TSPAN15: variants seen among roughly 807,000 people sequenced by gnomAD.
TSPAN15 encodes the protein tetraspanin 15.
TSPAN15 carries 20 observed loss-of-function variants against 34.5 expected under a neutral mutation model. That is an observed-to-expected ratio of 0.58 (90% CI 0.41 to 0.84). TSPAN15 has a LOEUF of 0.84. Among genes scored for constraint, TSPAN15 ranks in the 40% least tolerant of loss-of-function variants. TSPAN15 has a pLI of 0.00. For missense variants in TSPAN15, 313 were observed against 386.1 expected, an observed-to-expected ratio of 0.81 and a Z score of 1.59; for synonymous variants, 155 against 153.9, an observed-to-expected ratio of 1.01 and a Z score of -0.05.
intron 3 of TSPAN15, among the ~76,000 whole-genome samples, chr10:69,491,007 C>G (rs1267924165): frequency 6.6e-6 from 1 of 152,226 alleles, no homozygotes; most frequent in Non-Finnish European, 1.5e-5. Context: ...CAGACTCCCC[C>G]ACGGGTGTGC....
At chr10:69,467,673 C>CACACACACACAA (rs535692277) in intron 1 of TSPAN15, among the ~76,000 whole-genome samples, 90 of 76,400 alleles carry the variant, frequency 1.2e-3, no homozygotes, top group African/African-American at 2.4e-3. Flanking sequence ...CACACACACA[C>CACACACACACAA]ACCTCTTCTT....
chr10:69,543,336 T>A, the TSPAN15 span, among the ~76,000 whole-genome samples: 1 of 152,176 alleles, frequency 6.6e-6, no homozygotes, highest in Non-Finnish European at 1.5e-5. Flanking sequence ...CCCTAATATC[T>A]TGGCACTTCC....
At chr10:69,549,285 A>G in the TSPAN15 span, among the ~76,000 whole-genome samples, 1 of 152,210 alleles carries the variant, frequency 6.6e-6, no homozygotes, top group South Asian at 2.1e-4. Flanking sequence ...CCCAGAGGTC[A>G]AAACAACCTT....
chr10:69,515,891 C>T, the TSPAN15 span, among the ~76,000 whole-genome samples: 3 of 152,258 alleles, frequency 2.0e-5, no homozygotes, highest in African/African-American at 7.2e-5. Context: ...AGCCTGGGCA[C>T]CTGCCTGGGT....
At chr10:69,546,193 G>C in the TSPAN15 span, among the ~76,000 whole-genome samples, 1 of 152,058 alleles carries the variant, frequency 6.6e-6, no homozygotes, top group African/African-American at 2.4e-5. Context: ...CATTCCATGT[G>C]CGTCTTCCTA....
At chr10:69,539,533 A>AAGGAGAAGGAGAAGG in the TSPAN15 span, among the ~76,000 whole-genome samples, 15 of 48,288 alleles carry the variant, frequency 3.1e-4, no homozygotes, top group African/African-American at 8.6e-4. Flanking sequence ...GAAGAAGAAG[A>AAGGAGAAGGAGAAGG]AGAAGGAGAA....
At chr10:69,489,500 G>T (rs1223320633) in intron 3 of TSPAN15, among the ~76,000 whole-genome samples, 1 of 152,242 alleles carries the variant, frequency 6.6e-6, no homozygotes, top group Non-Finnish European at 1.5e-5. Flanking sequence ...ACTGGTAAAT[G>T]TCCATGAAAT....
At chr10:69,507,806 G>A, downstream of TSPAN15, 1 of 533,766 alleles carries the variant, frequency 1.9e-6, no homozygotes, top group Non-Finnish European at 2.9e-6. Flanking sequence ...ATACAGGTGG[G>A]GGGTTGGGGG....
rs1466302061 is a variant in TSPAN15, at chr10:69,455,896, G to A, written c.96+4206G>A. ...CCAGCAGAATGGACAGCAGAAGGCA[G>A]ATACCCCTCAAACCCTCTTCTAGGC... On this transcript the variant is annotated intron_variant, in intron 1 of 7. Transcript: ENST00000373290. Among the ~76,000 whole-genome samples the A allele has an allele frequency of 1.2e-4, 18 of 152,158 alleles. No individual in the cohort carries two copies. In the South Asian group the frequency reaches 3.5e-3, roughly 30 times the overall value.
chr10:69,538,955 C>T, the TSPAN15 span, among the ~76,000 whole-genome samples: 3 of 149,184 alleles, frequency 2.0e-5, no homozygotes, highest in Non-Finnish European at 4.5e-5. Context: ...AAAGAAGGGA[C>T]AGAGAGATTC....
At chr10:69,524,937 C>T in the TSPAN15 span, among the ~76,000 whole-genome samples, 42 of 147,638 alleles carry the variant, frequency 2.8e-4, 3 homozygotes, top group African/African-American at 7.6e-4. Context: ...CCTGCCACCA[C>T]GCCCCACTAA....
Position 69,455,596 on chromosome 10 carries a change from CTT to C in TSPAN15, c.96+3908_96+3909del, listed in dbSNP as rs1841079070. Among the ~76,000 whole-genome samples the C allele has an allele frequency of 4.5e-4, 52 of 114,380 alleles. 2 individuals are homozygous for C. The highest frequency in any genetic ancestry group is 1.6e-3 in the African/African-American group (49 of 29,814). The allele number at this position is 114,380 out of a possible 152,430, so 75.0% of individuals were successfully genotyped here. ...CTCTTTTCTTTCTTTCTTTCTCTTT[CTT>C]TCTTTCTTTCTCTCTCTCTCTCTCT... On this transcript the variant is annotated intron_variant, in intron 1 of 7. Transcript: ENST00000373290.
chr10:69,502,368 C>T (rs578255634), intron 5 of TSPAN15, among the ~76,000 whole-genome samples: 10 of 152,318 alleles, frequency 6.6e-5, no homozygotes, highest in South Asian at 2.1e-4. Context: ...CCAATTTTCA[C>T]GTACCTCCCC....
the TSPAN15 span, among the ~76,000 whole-genome samples, chr10:69,537,361 G>A: frequency 6.6e-6 from 1 of 152,128 alleles, no homozygotes; most frequent in Non-Finnish European, 1.5e-5. Context: ...TTGCAACATC[G>A]TAAAGTTGAA....
At chr10:69,478,656 TC>T (rs1427685968) in intron 1 of TSPAN15, among the ~76,000 whole-genome samples, 2 of 152,180 alleles carry the variant, frequency 1.3e-5, no homozygotes, top group African/African-American at 4.8e-5. Context: ...CGTGGATCGA[TC>T]CTTTTTCAGA....
At chr10:69,532,625 G>A in the TSPAN15 span, among the ~76,000 whole-genome samples, 1 of 152,146 alleles carries the variant, frequency 6.6e-6, no homozygotes, top group Non-Finnish European at 1.5e-5. Context: ...CTTAGGCGAG[G>A]ATTTCATGAC....
chr10:69,466,593 TTAA>T (rs746868758), intron 1 of TSPAN15, among the ~76,000 whole-genome samples: 5 of 151,820 alleles, frequency 3.3e-5, no homozygotes, highest in Non-Finnish European at 5.9e-5. Context: ...AAACATCGAG[TTAA>T]TAATAATGCA....
chr10:69,465,701 T>C (rs963169421), intron 1 of TSPAN15, among the ~76,000 whole-genome samples: 1 of 151,450 alleles, frequency 6.6e-6, no homozygotes, highest in African/African-American at 2.4e-5. Context: ...GTGAAGCCTC[T>C]CTCTCTCGGC....
intron 1 of TSPAN15, among the ~76,000 whole-genome samples, chr10:69,482,303 C>T (rs1005350445): frequency 6.6e-6 from 1 of 152,222 alleles, no homozygotes; most frequent in African/African-American, 2.4e-5. Flanking sequence ...GCAGTTGGAA[C>T]TGCCTGTGCA....
Sources: gnomAD v4.1 joint callset for allele counts (sites outside exome capture counted in the v4.1 genomes callset) on GRCh38, gnomAD v4.1.1 for gene constraint, MANE v1.5 for transcripts, NCBI Gene and HGNC (gene_info 2026-07-23, HGNC 2026-07-21) for gene names.